MYH9: variants seen among roughly 807,000 people sequenced by gnomAD.
MYH9 encodes myosin heavy chain 9, also known as myosin-9.
MYH9 carries 29 observed loss-of-function variants against 241.9 expected under a neutral mutation model. That is an observed-to-expected ratio of 0.12 (90% CI 0.09 to 0.16). MYH9 has a LOEUF of 0.16. MYH9 is among the 10% of genes least tolerant of loss of function. The pLI, the probability that MYH9 is intolerant of heterozygous loss-of-function variation, is 1.00. For missense variants in MYH9, 1,803 were observed against 2,595.5 expected (o/e 0.69, Z 6.63); for synonymous variants, 1,047 against 1,062.6 (o/e 0.99, Z 0.29).
In MYH9 at chr22:36,282,060, A is replaced by G; in HGVS notation, c.*608T>C. The G allele has an allele frequency of 4.2e-6, 1 of 236,328 alleles. No homozygotes were observed. The highest frequency in any genetic ancestry group is 8.4e-6 in the Non-Finnish European group (1 of 119,422). The allele number at this position is 236,328 out of a possible 1,614,324, so 14.6% of individuals were successfully genotyped here. A position where few individuals can be genotyped will look rare whatever the true frequency, so the allele number is the denominator to read the frequency against. On this transcript the variant is annotated 3_prime_UTR_variant, in exon 41 of 41. Transcript: ENST00000216181. ...TGGCGCTGCCTGGGACAGGGTGGGG[A>G]GGAATCCACTCCTCCCCCCACCCCA...
chr22:36,321,734 T>C (rs1429349243), intron 7 of MYH9, 24 bp downstream of exon 7: 6 of 1,610,200 alleles, frequency 3.7e-6, no homozygotes, highest in African/African-American at 1.3e-5. Flanking sequence ...CCAGGACTCT[T>C]ATCCCAACGA....
At chr22:36,359,955 C>T (rs140038428) in intron 1 of MYH9, among the ~76,000 whole-genome samples, 2,074 of 152,166 alleles carry the variant, frequency 0.014, 21 homozygotes, top group Middle Eastern at 0.078. Context: ...ATTGGAGTCC[C>T]AGGTCCCCTG....
chr22:36,336,073 A>C (rs2017493338), intron 3 of MYH9, among the ~76,000 whole-genome samples: 1 of 152,218 alleles, frequency 6.6e-6, no homozygotes, highest in Non-Finnish European at 1.5e-5. Flanking sequence ...GGCACAGAGC[A>C]AAGGGTTAAA....
At chr22:36,316,025 G>A (rs2017144578) in intron 12 of MYH9, among the ~76,000 whole-genome samples, 1 of 146,446 alleles carries the variant, frequency 6.8e-6, no homozygotes. Context: ...GTGACAAAGC[G>A]AGACCCTGAC....
chr22:36,299,014 G>A lies in MYH9; in HGVS notation c.3005C>T (p.Ala1002Val), dbSNP rs2016832861. The change falls in exon 24 of 41, where the codon GCT (alanine) becomes GTT (valine). Residue 1002 changes from alanine to valine, a missense_variant. This residue lies in a region of MYH9 where 290 missense variants were observed against 360.5 expected (regional missense o/e 0.80). Transcript: ENST00000216181. The stretch of plus-strand genomic sequence containing the variant: ...TTCTGTGAGGTTGGTGGTGAACTCA[G>A]CTATTCTGTCTTCCAGCAGTTTCTT... ...KEKKLLEDRIAEFTTNLTEEE... is the reference protein window; with the variant it reads ...KEKKLLEDRIVEFTTNLTEEE... 1 of 1,614,128 alleles carries A rather than the reference G, an allele frequency of 6.2e-7. No individual in the cohort carries two copies. The highest frequency in any genetic ancestry group is 2.2e-5 in the East Asian group (1 of 44,880).
chr22:36,381,417 T>C (rs2018253262), intron 1 of MYH9, among the ~76,000 whole-genome samples: 2 of 150,658 alleles, frequency 1.3e-5, no homozygotes, highest in Non-Finnish European at 2.9e-5. Flanking sequence ...CTCAGGAGGC[T>C]GAGGCAGGAG....
rs2146354486 is a variant in MYH9 at position 36,312,133 on chromosome 22, C to T, written c.1644G>A (p.Gln548=). 6.2e-7 allele frequency: 1 copy of T among 1,614,196 alleles called. No homozygotes were observed. The highest frequency in any genetic ancestry group is 1.3e-5 in the African/African-American group (1 of 75,052). Residue 548 remains glutamine (Q), a synonymous_variant, in exon 14 of 41, where the codon CAG becomes CAA. Transcript: ENST00000216181. ...TDKSFVEKVM[Q]EQGTHPKFQK... ...GGAACTTGGGGTGGGTGCCCTGCTC[C>T]TGCATCACCTTCTCCACGAAGCTCT...
At chr22:36,326,355 A>G (rs1218981225) in intron 5 of MYH9, among the ~76,000 whole-genome samples, 1 of 152,232 alleles carries the variant, frequency 6.6e-6, no homozygotes, top group Non-Finnish European at 1.5e-5. Context: ...GCAACTCAGA[A>G]GGCTAGGAGG....
At chr22:36,298,801 C>A in intron 24 of MYH9, 118 bp downstream of exon 24, 1 of 1,488,732 alleles carries the variant, frequency 6.7e-7, no homozygotes, top group Non-Finnish European at 9.2e-7. Context: ...TGTAGTGTGA[C>A]CCAGGCTCAC....
At position 36,291,916 on chromosome 22, in the gene MYH9, T is replaced by C. The variant is rs6000233; in HGVS notation, c.4344+70A>G. ...CTGAGGGAGCCCAGGCTTTCTCTGA[T>C]GGGCCCTTTGCTTTGGACTCAGTGC... On this transcript the variant is annotated intron_variant, in intron 31 of 40. Coordinates refer to ENST00000216181, the MANE Select transcript of MYH9 (RefSeq NM_002473.6). 0.032 allele frequency: 50,886 copies of C among 1,609,530 alleles called. 5,561 individuals are homozygous for C. The African/African-American group carries it at 0.37, about 12-fold the overall frequency.
intron 1 of MYH9, among the ~76,000 whole-genome samples, chr22:36,373,358 T>A (rs771414014): frequency 2.6e-5 from 4 of 152,088 alleles, no homozygotes; most frequent in Non-Finnish European, 5.9e-5. Context: ...CTTGGAGACT[T>A]CTTCTCTCCC....
intron 1 of MYH9, among the ~76,000 whole-genome samples, chr22:36,387,532 AC>A (rs1163671121): frequency 6.6e-6 from 1 of 151,430 alleles, no homozygotes; most frequent in Non-Finnish European, 1.5e-5. Flanking sequence ...GCCGGGGGAC[AC>A]GGGGGGCGCC....
At chr22:36,343,909 G>T (rs555706932) in intron 2 of MYH9, among the ~76,000 whole-genome samples, 11 of 152,310 alleles carry the variant, frequency 7.2e-5, no homozygotes, top group African/African-American at 2.6e-4. Context: ...CCACACTCTA[G>T]GAAATCCAGC....
rs2016731930 is a variant in MYH9 at position 36,293,051 on chromosome 22, G to GC, written c.4095+277dup. ...GGGACTGCCACCACCATGGCTTGCT[G>GC]CCTACATCCATAATGGAAGCAATGC... On this transcript the variant is annotated intron_variant, in intron 30 of 40. Coordinates refer to ENST00000216181, the MANE Select transcript of MYH9 (RefSeq NM_002473.6). The surrounding 1 kb of genome is among the most constrained non-coding windows in gnomAD (Gnocchi z 5.1). Among the ~76,000 whole-genome samples, 1 of 152,220 alleles carries GC rather than the reference G, an allele frequency of 6.6e-6. No homozygotes were observed.
At chr22:36,366,060 C>T (rs1569536968) in intron 1 of MYH9, among the ~76,000 whole-genome samples, 1 of 152,002 alleles carries the variant, frequency 6.6e-6, no homozygotes, top group African/African-American at 2.4e-5. Context: ...CGGTGGTGGG[C>T]ACCTGCAATC....
chr22:36,327,537 C>T (rs1603483576), intron 3 of MYH9, 49 bp from the exon 4 acceptor site: 2 of 1,610,506 alleles, frequency 1.2e-6, no homozygotes, highest in East Asian at 4.5e-5. Context: ...GCAAAAGCCT[C>T]CCCACCTTGC....
chr22:36,354,829 G>A (rs2065480695), intron 1 of MYH9, among the ~76,000 whole-genome samples: 1 of 152,064 alleles, frequency 6.6e-6, no homozygotes, highest in Admixed American at 6.6e-5. Context: ...GTCCTGGGAT[G>A]TCCCATCCAA....
intron 13 of MYH9, among the ~76,000 whole-genome samples, chr22:36,313,191 C>T (rs11703871): frequency 0.2 from 30,117 of 151,178 alleles, 3,961 homozygotes; most frequent in East Asian, 0.62. Flanking sequence ...AGGCCAGGCG[C>T]GGTGGCTCAC....
intron 3 of MYH9, among the ~76,000 whole-genome samples, chr22:36,340,662 CAAAA>C (rs59035920): frequency 2.0e-5 from 2 of 98,970 alleles, no homozygotes; most frequent in African/African-American, 3.5e-5. Flanking sequence ...GATTCCGTCT[CAAAA>C]AAAAAAAAAA....
Sources: gnomAD v4.1 joint callset for allele counts (sites outside exome capture counted in the v4.1 genomes callset) on GRCh38, gnomAD v4.1.1 for gene constraint, gnomAD v4.1.1 regional missense constraint, Gnocchi (gnomAD v3.1) non-coding constraint, MANE v1.5 for transcripts, NCBI Gene and HGNC (gene_info 2026-07-23, HGNC 2026-07-21) for gene names.